The following TMEM176B variants were observed in gnomAD, a reference collection of about 807,000 sequenced individuals.
The protein encoded by TMEM176B is transmembrane protein 176B.
A neutral mutation model predicts 30.3 loss-of-function variants in TMEM176B; 28 were observed. That is an observed-to-expected ratio of 0.92 (90% CI 0.68 to 1.27). The LOEUF (loss-of-function observed/expected upper bound fraction) is 1.27, where lower values mean the gene tolerates loss of function less well. TMEM176B is among the 50% of genes most tolerant of loss of function. TMEM176B has a pLI of 0.00. For synonymous variants in TMEM176B, 123 were observed against 130.3 expected (o/e 0.94, Z 0.38); for missense variants, 349 against 327.4 (o/e 1.07, Z -0.51).
At position 150,796,697 on chromosome 7, in the gene TMEM176B, G is replaced by A. The variant is rs140103164; in HGVS notation, c.-5-123C>T. 805 of 955,178 alleles carry A rather than the reference G, an allele frequency of 8.4e-4. 2 individuals are homozygous for A. The African/African-American group carries it at 0.011, about 13-fold the overall frequency. The allele number at this position is 955,178 out of a possible 1,614,324, so 59.2% of individuals were successfully genotyped here. A position where few individuals can be genotyped will look rare whatever the true frequency, so the allele number is the denominator to read the frequency against. Reference sequence around the variant, plus strand: ...ATCCCAGCTGGGCACAATAGCTCACGCCTGTAATCCCAGTGCTTTGGGAGG... The same window carrying A: ...ATCCCAGCTGGGCACAATAGCTCACACCTGTAATCCCAGTGCTTTGGGAGG... On this transcript the variant is annotated intron_variant, in intron 1 of 6. Coordinates refer to ENST00000326442, the MANE Select transcript of TMEM176B (RefSeq NM_001101312.2).
At chr7:150,800,859 C>T (rs1798755558), upstream of TMEM176B, 4 of 963,570 alleles carry the variant, frequency 4.2e-6, no homozygotes, top group Non-Finnish European at 1.2e-6. Flanking sequence ...CGGCGGCCCC[C>T]GGGCCTCCTT....
chr7:150,793,633 T>A, intron 3 of TMEM176B, 33 bp from the exon 4 acceptor site: 1 of 1,608,408 alleles, frequency 6.2e-7, no homozygotes, highest in Non-Finnish European at 8.5e-7. Context: ...GGCCTCCAGT[T>A]TACTCTTCTG....
Position 150,791,399 on chromosome 7 carries a change from C to T in TMEM176B, c.*132G>A, listed in dbSNP as rs368608670. The T allele has an allele frequency of 4.6e-4, 297 of 643,610 alleles. 1 individual carries two copies. The highest frequency in any genetic ancestry group is 6.9e-4 in the Non-Finnish European group (256 of 371,630). The allele number at this position is 643,610 out of a possible 1,614,324, so 39.9% of individuals were successfully genotyped here. Reference sequence around the variant, plus strand: ...AACCCCAGAGTGGGAACAGCAGGTGCGGATGTGGGGAGAAGAAAGGAGGAG... The same window carrying T: ...AACCCCAGAGTGGGAACAGCAGGTGTGGATGTGGGGAGAAGAAAGGAGGAG... On this transcript the variant is annotated 3_prime_UTR_variant, in exon 7 of 7. Transcript: ENST00000326442.
rs750971783 is a variant in TMEM176B, at chr7:150,793,548, A to G, written c.368T>C (p.Leu123Pro). The G allele has an allele frequency of 4.3e-6, 7 of 1,613,280 alleles. No individual in the cohort carries two copies. The highest frequency in any genetic ancestry group is 3.3e-5 in the South Asian group (3 of 90,816). ...AIVHEKHPGKLAGYISSLLTL... is the reference protein window; with the variant it reads ...AIVHEKHPGKPAGYISSLLTL... Reference sequence around the variant, plus strand: ...GAGAGGGTGTCCAAGACTCACAGCAAGTTTGCCCGGGTGCTTCTCATGGAC... The same window carrying G: ...GAGAGGGTGTCCAAGACTCACAGCAGGTTTGCCCGGGTGCTTCTCATGGAC... Residue 123 changes from leucine (L) to proline (P), a missense_variant, in exon 4 of 7, where the codon CTT (leucine) becomes CCT (proline). Coordinates refer to ENST00000326442, the MANE Select transcript of TMEM176B (RefSeq NM_001101312.2).
chr7:150,796,791 T>C lies in TMEM176B; in HGVS notation c.-5-217A>G, dbSNP rs1236705542. 7.5e-6 allele frequency: 4 copies of C among 532,466 alleles called. No individual in the cohort carries two copies. In the African/African-American group the frequency reaches 7.7e-5, roughly 10 times the overall value. The allele number at this position is 532,466 out of a possible 1,614,324, so 33.0% of individuals were successfully genotyped here. ...CTGGCCAATGTGGCAAAACTCCCTC[T>C]CTACTAAAAATACAAAAATCCGCAC... On this transcript the variant is annotated intron_variant, in intron 1 of 6. Transcript: ENST00000326442.
intron 2 of TMEM176B, among the ~76,000 whole-genome samples, chr7:150,795,762 G>A (rs1798499260): frequency 1.3e-5 from 2 of 152,042 alleles, no homozygotes; most frequent in Admixed American, 1.3e-4. Context: ...ATTTCTGTGG[G>A]GACACTTACA....
chr7:150,801,006 C>A, upstream of TMEM176B: 1 of 985,468 alleles, frequency 1.0e-6, no homozygotes. Context: ...CGCACCGCAG[C>A]GCGGTCCTTC....
rs143898405 is a variant in TMEM176B at position 150,793,313 on chromosome 7, G to A, written c.375C>T (p.Gly125=). 5.9e-5 allele frequency: 96 copies of A among 1,613,526 alleles called. No homozygotes were observed. In the African/African-American group the frequency reaches 1.1e-3, roughly 19 times the overall value. The change falls in exon 5 of 7, where the codon GGC becomes GGT. Residue 125 remains glycine, a splice_region_variant and synonymous_variant. Transcript: ENST00000326442. ...VHEKHPGKLA[G]YISSLLTLAG... is the part of the protein sequence containing the mutation. ...CCAGGGTGAGCAGGCTGGATATATA[G>A]CCCTGGAAGAGAAAGAGGGTCATGA...
At chr7:150,793,676 TC>T in intron 3 of TMEM176B, 76 bp from the exon 4 acceptor site, 1 of 1,504,666 alleles carries the variant, frequency 6.6e-7, no homozygotes, top group Non-Finnish European at 9.1e-7. Context: ...CACCAGCAGT[TC>T]CCAGAATAGC....
chr7:150,793,888 C>A (rs974770125), intron 3 of TMEM176B, 73 bp downstream of exon 3: 3 of 1,358,510 alleles, frequency 2.2e-6, no homozygotes, highest in African/African-American at 2.9e-5. Flanking sequence ...AAAGCCCCAA[C>A]CAAGATCCAT....
At chr7:150,796,693 T>A in intron 1 of TMEM176B, 119 bp from the exon 2 acceptor site, 1 of 994,826 alleles carries the variant, frequency 1.0e-6, no homozygotes, top group Middle Eastern at 3.1e-4. Flanking sequence ...GCACAATAGC[T>A]CACGCCTGTA....
intron 1 of TMEM176B, among the ~76,000 whole-genome samples, chr7:150,797,882 A>G (rs949922139): frequency 2.6e-5 from 4 of 152,156 alleles, no homozygotes; most frequent in Non-Finnish European, 5.9e-5. Flanking sequence ...ATTACAGACA[A>G]TGTGGAATTG....
chr7:150,794,846 A>G (rs956913085), intron 2 of TMEM176B, among the ~76,000 whole-genome samples: 2 of 151,070 alleles, frequency 1.3e-5, no homozygotes, highest in African/African-American at 4.9e-5. Flanking sequence ...GGAAAACCCA[A>G]CTGTCACCAC....
chr7:150,796,301 T>C (rs1798518931), intron 2 of TMEM176B, 65 bp downstream of exon 2: 8 of 1,480,334 alleles, frequency 5.4e-6, no homozygotes, highest in Non-Finnish European at 7.4e-6. Context: ...GATTTGGCTC[T>C]ATATTTTAAT....
chr7:150,796,689 T>G, intron 1 of TMEM176B, 115 bp from the exon 2 acceptor site: 3 of 1,025,408 alleles, frequency 2.9e-6, no homozygotes, highest in Non-Finnish European at 4.3e-6. Flanking sequence ...CTGGGCACAA[T>G]AGCTCACGCC....
chr7:150,796,757 A>G (rs894181087), intron 1 of TMEM176B, 183 bp from the exon 2 acceptor site: 5 of 610,138 alleles, frequency 8.2e-6, no homozygotes, highest in Non-Finnish European at 1.4e-5. Context: ...TCAGGAGTTC[A>G]AGACCAGCCT....
intron 1 of TMEM176B, among the ~76,000 whole-genome samples, chr7:150,798,571 G>A (rs1384660501): frequency 2.7e-5 from 4 of 149,962 alleles, no homozygotes; most frequent in Non-Finnish European, 4.4e-5. Context: ...CACCGCGCCC[G>A]GCCAGTTCTC....
At position 150,794,166 on chromosome 7, in the gene TMEM176B, T is replaced by G. The variant is rs1585275099; in HGVS notation, c.205-95A>C. The G allele has an allele frequency of 3.6e-6, 3 of 832,748 alleles. No individual in the cohort carries two copies. In the East Asian group the frequency reaches 7.9e-5, roughly 22 times the overall value. 51.6% of individuals were successfully genotyped at this position (832,748 alleles called of 1,614,324 possible). A position where few individuals can be genotyped will look rare whatever the true frequency, so the allele number is the denominator to read the frequency against. Reference sequence around the variant, plus strand: ...TGCCTGGCTCCTACCTAGGTGGCTCTCCTCTCCTTTTCCTCTGCCTTGACC... The same window carrying G: ...TGCCTGGCTCCTACCTAGGTGGCTCGCCTCTCCTTTTCCTCTGCCTTGACC... On this transcript the variant is annotated intron_variant, in intron 2 of 6. Coordinates refer to ENST00000326442, the MANE Select transcript of TMEM176B (RefSeq NM_001101312.2).
intron 4 of TMEM176B, 44 bp downstream of exon 4, chr7:150,793,500 A>G (rs1161025771): frequency 6.2e-7 from 1 of 1,605,992 alleles, no homozygotes. Flanking sequence ...AGAATTCAGG[A>G]GGGGGTCAGT....
Sources: gnomAD v4.1 joint callset for allele counts (sites outside exome capture counted in the v4.1 genomes callset) on GRCh38, gnomAD v4.1.1 for gene constraint, MANE v1.5 for transcripts, NCBI Gene and HGNC (gene_info 2026-07-23, HGNC 2026-07-21) for gene names.